The following MUC15 variants were observed in gnomAD, a reference collection of about 807,000 sequenced individuals.
MUC15 encodes mucin-15.
MUC15 carries 23 observed loss-of-function variants against 24.0 expected under a neutral mutation model. That is an observed-to-expected ratio of 0.96 (90% CI 0.69 to 1.36). The LOEUF (loss-of-function observed/expected upper bound fraction) is 1.36. MUC15 is among the 40% of genes most tolerant of loss of function. The pLI is 0.00. For synonymous variants in MUC15, 151 were observed against 156.3 expected (o/e 0.97, Z 0.25); for missense variants, 442 against 428.2 (o/e 1.03, Z -0.29).
In MUC15 at chr11:26,565,387, C is replaced by T. The variant is rs372130992; in HGVS notation, c.553G>A (p.Val185Met). Reference sequence around the variant, plus strand: ...ATGGAACTGTTATCAGGAGTTTTCACGGTGTCATTGACCAAAGACCAAGTG... The same window carrying T: ...ATGGAACTGTTATCAGGAGTTTTCATGGTGTCATTGACCAAAGACCAAGTG... The part of the protein sequence containing the change: ...NFTWSLVNDT[V>M]KTPDNSSITV... The change falls in exon 3 of 5, where the codon GTG becomes ATG. Residue 185 changes from valine (V) to methionine (M), a missense_variant. Physicochemically the swap from Val to Met is conservative, Grantham distance 21 (BLOSUM62 1). Transcript: ENST00000529533. The T allele has an allele frequency of 2.0e-5, 32 of 1,613,008 alleles. No homozygotes were observed. In the East Asian group the frequency reaches 2.7e-4, roughly 13 times the overall value.
chr11:26,561,049 C>T lies in MUC15; in HGVS notation c.*16G>A. On this transcript the variant is annotated 3_prime_UTR_variant, in exon 5 of 5. Coordinates refer to ENST00000529533, the MANE Select transcript of MUC15 (RefSeq NM_001135091.2). The stretch of plus-strand genomic sequence containing the variant: ...GTAGATGACACTTGCTGTTTAACGC[C>T]TTTTTGCTGTTAGTTCTATACAGAA... 1 of 1,599,176 alleles carries T rather than the reference C, an allele frequency of 6.3e-7. No individual in the cohort carries two copies. The highest frequency in any genetic ancestry group is 8.5e-7 in the Non-Finnish European group (1 of 1,173,432).
chr11:26,559,621 TA>T lies in MUC15; in HGVS notation c.*1443del. On this transcript the variant is annotated 3_prime_UTR_variant, in exon 5 of 5. Coordinates refer to ENST00000529533, the MANE Select transcript of MUC15 (RefSeq NM_001135091.2). The stretch of plus-strand genomic sequence containing the variant: ...TCTGTACTATAAAATAATATGATTC[TA>T]TTTGAGAAAAAATCATAGTACCTGA... 1.2e-6 allele frequency: 1 copy of T among 821,366 alleles called. No homozygotes were observed. Among genetic ancestry groups the T allele is most frequent in the Non-Finnish European group, 2.1e-6 (1 of 474,780 alleles). 50.9% of individuals were successfully genotyped at this position (821,366 alleles called of 1,614,324 possible). A position where few individuals can be genotyped will look rare whatever the true frequency, so the allele number is the denominator to read the frequency against.
chr11:26,562,766 G>T (rs899537618), intron 4 of MUC15, among the ~76,000 whole-genome samples: 1 of 151,806 alleles, frequency 6.6e-6, no homozygotes, highest in Admixed American at 6.6e-5. Flanking sequence ...TCTAACAATG[G>T]CAAGGAATAG....
chr11:26,566,002 T>C, intron 2 of MUC15, 106 bp from the exon 3 acceptor site: 5 of 1,132,790 alleles, frequency 4.4e-6, no homozygotes, highest in Non-Finnish European at 6.0e-6. Flanking sequence ...AATATAGAGA[T>C]GGTAATATCA....
chr11:26,571,655 T>A (rs912891804), intron 1 of MUC15, among the ~76,000 whole-genome samples: 1 of 152,148 alleles, frequency 6.6e-6, no homozygotes, highest in African/African-American at 2.4e-5. Flanking sequence ...ATAATTTAAA[T>A]CTAAGATTCA....
chr11:26,563,955 A>G (rs899434289), intron 3 of MUC15, among the ~76,000 whole-genome samples: 1 of 151,840 alleles, frequency 6.6e-6, no homozygotes, highest in East Asian at 1.9e-4. Flanking sequence ...AATTTAGTAC[A>G]TTTCTCTTTT....
In MUC15 at chr11:26,561,028, A is replaced by G. The variant is rs1306961066; in HGVS notation, c.*37T>C. The G allele has an allele frequency of 6.3e-6, 10 of 1,584,780 alleles. No individual in the cohort carries two copies. Among genetic ancestry groups the G allele is most frequent in the Non-Finnish European group, 8.6e-6 (10 of 1,164,156 alleles). ...AATTTGTCAAAAGGCTAGGATGTAG[A>G]TGACACTTGCTGTTTAACGCCTTTT... is the stretch of plus-strand genomic sequence containing the variant. On this transcript the variant is annotated 3_prime_UTR_variant, in exon 5 of 5. Coordinates refer to ENST00000529533, the MANE Select transcript of MUC15 (RefSeq NM_001135091.2).
intron 3 of MUC15, 43 bp downstream of exon 3, chr11:26,565,122 T>G: frequency 6.7e-7 from 1 of 1,483,638 alleles, no homozygotes; most frequent in Non-Finnish European, 9.0e-7. Flanking sequence ...TATTTGGAAT[T>G]TCAGTTTCAC....
Position 26,565,689 on chromosome 11 carries a change from GAGTTTA to G in MUC15, c.245_250del (p.Leu82_Asn83del). ...TGAGGTGGTTATATTTTCTTTATCT[GAGTTTA>G]AGTTTGCTTCACTTTCCAAAGAAAT... On this transcript the variant is annotated inframe_deletion, in exon 3 of 5. Transcript: ENST00000529533. 1 of 1,613,258 alleles carries G rather than the reference GAGTTTA, an allele frequency of 6.2e-7. No individual in the cohort carries two copies. The highest frequency in any genetic ancestry group is 2.2e-5 in the East Asian group (1 of 44,842).
At chr11:26,563,387 TTCTC>T (rs768122711) in intron 3 of MUC15, 122 bp from the exon 4 acceptor site, 76 of 889,780 alleles carry the variant, frequency 8.5e-5, no homozygotes, top group African/African-American at 3.7e-4. Flanking sequence ...AATGGTGTGT[TTCTC>T]TCTCTGTGTG....
Position 26,561,128 on chromosome 11 carries a change from AC to A in MUC15, c.1022del (p.Ser341MetfsTer68), listed in dbSNP as rs773732668. 2 of 1,612,908 alleles carry A rather than the reference AC, an allele frequency of 1.2e-6. No homozygotes were observed. The highest frequency in any genetic ancestry group is 1.7e-6 in the Non-Finnish European group (2 of 1,179,316). ...PTLNDSAMPESEENARDGIPM... is the reference protein window; with the variant it reads ...PTLNDSAMPEXEENARDGIPM... ...GAATGCCATCACGTGCATTTTCTTC[AC>A]TTTCTGGCATGGCTGAATCATTCAA... On this transcript the variant is annotated frameshift_variant, in exon 5 of 5. Coordinates refer to ENST00000529533, the MANE Select transcript of MUC15 (RefSeq NM_001135091.2). LOFTEE classifies it high-confidence loss of function.
chr11:26,564,789 T>TTGCTTCACTTTC (rs748174773), intron 3 of MUC15, among the ~76,000 whole-genome samples: 3,784 of 99,744 alleles, frequency 0.038, 193 homozygotes, highest in Non-Finnish European at 0.057. Context: ...ATATATAAGT[T>TTGCTTCACTTTC]CAGTTGTATA....
Position 26,565,078 on chromosome 11 carries a change from G to A in MUC15, c.775+87C>T, listed in dbSNP as rs7949311. On this transcript the variant is annotated intron_variant, in intron 3 of 4. Transcript: ENST00000529533. Reference sequence around the variant, plus strand: ...TATTGTGTTCTCTTCTGTTTTTCCAGCATGGTGATTCCTTAGACTTACTCT... The same window carrying A: ...TATTGTGTTCTCTTCTGTTTTTCCAACATGGTGATTCCTTAGACTTACTCT... 2.2e-3 allele frequency: 2,857 copies of A among 1,296,998 alleles called. 48 individuals are homozygous for A. The African/African-American group carries it at 0.035, about 16-fold the overall frequency. The allele number at this position is 1,296,998 out of a possible 1,614,324, so 80.3% of individuals were successfully genotyped here. A position where few individuals can be genotyped will look rare whatever the true frequency, so the allele number is the denominator to read the frequency against.
At chr11:26,564,758 TA>T (rs1565109133) in intron 3 of MUC15, among the ~76,000 whole-genome samples, 3,704 of 92,884 alleles carry the variant, frequency 0.04, 262 homozygotes, top group Non-Finnish European at 0.06. Context: ...TATATATATA[TA>T]TATATATATA....
intron 1 of MUC15, among the ~76,000 whole-genome samples, chr11:26,568,290 G>T (rs1850676333): frequency 6.6e-6 from 1 of 151,978 alleles, no homozygotes; most frequent in African/African-American, 2.4e-5. Flanking sequence ...ATGATTAAGT[G>T]GGACATAAAT....
chr11:26,568,964 A>C (rs1850709046), intron 1 of MUC15, among the ~76,000 whole-genome samples: 1 of 151,898 alleles, frequency 6.6e-6, no homozygotes, highest in Non-Finnish European at 1.5e-5. Context: ...CTCTATATCT[A>C]GTTGTTTTGC....
At chr11:26,564,732 C>CATATATATATATAT (rs66510170) in intron 3 of MUC15, among the ~76,000 whole-genome samples, 2 of 25,414 alleles carry the variant, frequency 7.9e-5, no homozygotes, top group Non-Finnish European at 1.4e-4. Context: ...CACACACACA[C>CATATATATATATAT]ATATATATAT....
In MUC15 at chr11:26,559,784, G is replaced by A. The variant is rs1346985425; in HGVS notation, c.*1281C>T. The A allele has an allele frequency of 1.3e-6, 2 of 1,592,096 alleles. No homozygotes were observed. Among genetic ancestry groups the A allele is most frequent in the Admixed American group, 1.7e-5 (1 of 59,548 alleles). ...CTATTTTTATGGCAATATGGGGTAA[G>A]TACTTTCTTCATTACTTTCTATCCC... On this transcript the variant is annotated 3_prime_UTR_variant, in exon 5 of 5. Transcript: ENST00000529533.
chr11:26,559,893 A>G lies in MUC15; in HGVS notation c.*1172T>C. ...ACACACACCATGAATCAATTCAAAAATAAAGCCTCTAGGTTGGTACTTGAT... is the reference window on the plus strand; with the variant it reads ...ACACACACCATGAATCAATTCAAAAGTAAAGCCTCTAGGTTGGTACTTGAT... On this transcript the variant is annotated 3_prime_UTR_variant, in exon 5 of 5. Coordinates refer to ENST00000529533, the MANE Select transcript of MUC15 (RefSeq NM_001135091.2). The G allele has an allele frequency of 1.3e-6, 1 of 796,016 alleles. No homozygotes were observed. The highest frequency in any genetic ancestry group is 2.1e-6 in the Non-Finnish European group (1 of 475,584). The allele number at this position is 796,016 out of a possible 1,614,324, so 49.3% of individuals were successfully genotyped here. A position where few individuals can be genotyped will look rare whatever the true frequency, so the allele number is the denominator to read the frequency against.
Sources: allele counts gnomAD v4.1 joint callset (sites outside exome capture counted in the v4.1 genomes callset), GRCh38; gene constraint gnomAD v4.1.1; transcripts MANE v1.5; gene names NCBI Gene and HGNC (gene_info 2026-07-23, HGNC 2026-07-21).